The following BEGAIN variants were observed in gnomAD, a reference collection of about 807,000 sequenced individuals.
BEGAIN encodes the protein brain-enriched guanylate kinase-associated protein.
Under a neutral mutation model 35.8 loss-of-function variants are expected in BEGAIN, and 19 were observed. The ratio of observed to expected loss-of-function variants is 0.53; its 90% confidence interval spans 0.37 to 0.78. The LOEUF (loss-of-function observed/expected upper bound fraction) is 0.78, where lower values mean the gene tolerates loss of function less well. BEGAIN is among the 30% of genes least tolerant of loss of function. The pLI, the probability that BEGAIN is intolerant of heterozygous loss-of-function variation, is 0.00. For missense variants in BEGAIN, 795 were observed against 853.6 expected (o/e 0.93, Z 0.85); for synonymous variants, 462 against 388.6 (o/e 1.19, Z -2.22).
intron 2 of BEGAIN, among the ~76,000 whole-genome samples, chr14:100,560,854 AGACACGAGCTGCCCTC>A (rs1355689024): frequency 2.6e-5 from 4 of 152,194 alleles, no homozygotes; most frequent in African/African-American, 9.7e-5. Context: ...TGCTCAGGAC[AGACACGAGCTGCCCTC>A]GACACGAGCC....
At chr14:100,551,601 G>T (rs2033204636) in intron 2 of BEGAIN, among the ~76,000 whole-genome samples, 1 of 152,194 alleles carries the variant, frequency 6.6e-6, no homozygotes, top group South Asian at 2.1e-4. Flanking sequence ...TGAAATGCTG[G>T]ATAATTTAAC....
chr14:100,538,319 C>G lies in BEGAIN; in HGVS notation c.1489G>C (p.Glu497Gln). 1 of 1,522,880 alleles carries G rather than the reference C, an allele frequency of 6.6e-7. No individual in the cohort carries two copies. Among genetic ancestry groups the G allele is most frequent in the African/African-American group, 1.4e-5 (1 of 71,490 alleles). 94.3% of individuals were successfully genotyped at this position (1,522,880 alleles called of 1,614,324 possible). A position where few individuals can be genotyped will look rare whatever the true frequency, so the allele number is the denominator to read the frequency against. ...TGGCCCTGGGAGAGGTCGTCCCCCT[C>G]GGAGAAGCTGTCGGCCTTGTAGCTG... ...YASYKADSFS[E>Q]GDDLSQGHLA... Residue 497 changes from glutamate (E) to glutamine (Q), a missense_variant, in exon 7 of 7, where the codon GAG becomes CAG. Physicochemically the swap from Glu to Gln is conservative, Grantham distance 29 (BLOSUM62 2). This residue lies in a region of BEGAIN where 664 missense variants were observed against 647.7 expected (regional missense o/e 1.03). Transcript: ENST00000554140.
rs775839427 is a variant in BEGAIN, at chr14:100,572,960, G to A, written c.43-5021C>T. Among the ~76,000 whole-genome samples, 5 of 152,124 alleles carry A rather than the reference G, an allele frequency of 3.3e-5. No individual in the cohort carries two copies. In the South Asian group the frequency reaches 1.0e-3, roughly 32 times the overall value. On this transcript the variant is annotated intron_variant, in intron 1 of 6. Transcript: ENST00000554140. ...CTGGATGAAATTCTCTGCTCTCACT[G>A]TGCTGATATTCTCATGCAGGAAGAC...
intron 2 of BEGAIN, among the ~76,000 whole-genome samples, chr14:100,556,649 G>A (rs531211287): frequency 6.6e-6 from 1 of 152,162 alleles, no homozygotes; most frequent in African/African-American, 2.4e-5. Context: ...AGGGCACAAG[G>A]GCTGTCTCCT....
chr14:100,546,383 TCGCCCCGCCCCGGCCCTCGCCC>T (rs2032414180), intron 3 of BEGAIN, 96 bp downstream of exon 3: 3 of 14,954 alleles, frequency 2.0e-4, no homozygotes, highest in African/African-American at 1.0e-3. Context: ...GCCCCGGCCC[TCGCCCCGCCCCGGCCCTCGCCC>T]CGCCCCGGCC....
chr14:100,550,660 T>C (rs1483989481), intron 2 of BEGAIN, among the ~76,000 whole-genome samples: 1 of 97,234 alleles, frequency 1.0e-5, no homozygotes, highest in Admixed American at 1.6e-4. Context: ...CCAGGAAAAC[T>C]TGTCATCTGC....
Position 100,568,209 on chromosome 14 carries a change from G to C in BEGAIN, c.43-270C>G, listed in dbSNP as rs1199713640. On this transcript the variant is annotated intron_variant, in intron 1 of 6. Transcript: ENST00000554140. The surrounding 1 kb of genome is among the most constrained non-coding windows in gnomAD (Gnocchi z 7.5). ...CGCCCCCCGGGGCGAAGAAGGGGCC[G>C]GCCCGGGATGGCCCGGCCAGGGGCG... The C allele has an allele frequency of 3.7e-5, 23 of 618,610 alleles. No homozygotes were observed. The highest frequency in any genetic ancestry group is 4.7e-5 in the Non-Finnish European group (23 of 484,620). The allele number at this position is 618,610 out of a possible 1,614,324, so 38.3% of individuals were successfully genotyped here. A position where few individuals can be genotyped will look rare whatever the true frequency, so the allele number is the denominator to read the frequency against.
In BEGAIN at chr14:100,544,908, C is replaced by A; in HGVS notation, c.300+92G>T. The A allele has an allele frequency of 4.7e-6, 6 of 1,287,348 alleles. 2 individuals carry two copies. In the South Asian group the frequency reaches 4.7e-5, roughly 10 times the overall value. 79.7% of individuals were successfully genotyped at this position (1,287,348 alleles called of 1,614,324 possible). ...GGTGGGACCAGCAAGACCTGTGTCC[C>A]AGCTCCTGAGTGGCCCAGGGGTGTC... On this transcript the variant is annotated intron_variant, in intron 4 of 6. Transcript: ENST00000554140.
chr14:100,556,715 A>T (rs2033760577), intron 2 of BEGAIN, among the ~76,000 whole-genome samples: 1 of 152,096 alleles, frequency 6.6e-6, no homozygotes, highest in Non-Finnish European at 1.5e-5. Flanking sequence ...CTGCTGCAGG[A>T]CTGGAGGTGC....
chr14:100,573,545 G>T lies in BEGAIN; in HGVS notation c.43-5606C>A, dbSNP rs370657019. Reference sequence around the variant, plus strand: ...AGAGGGGCAAGTGCAGGACCCCAGGGCATCCAGCCAGGCCCACGGGGCCTG... The same window carrying T: ...AGAGGGGCAAGTGCAGGACCCCAGGTCATCCAGCCAGGCCCACGGGGCCTG... On this transcript the variant is annotated intron_variant, in intron 1 of 6. Coordinates refer to ENST00000554140, the MANE Select transcript of BEGAIN (RefSeq NM_001385089.1). This position sits in a 1 kb window ranked among gnomAD's most constrained non-coding sequence, Gnocchi z 4.2. Among the ~76,000 whole-genome samples, 15 of 152,182 alleles carry T rather than the reference G, an allele frequency of 9.9e-5. No individual in the cohort carries two copies. The highest frequency in any genetic ancestry group is 7.7e-4 in the East Asian group (4 of 5,198).
chr14:100,538,072 G>A lies in BEGAIN; in HGVS notation c.1736C>T (p.Ala579Val), dbSNP rs2030845972. The change falls in exon 7 of 7, where the codon GCC (alanine) becomes GTC (valine). Residue 579 changes from alanine (A) to valine (V), a missense_variant. By Grantham distance (64) the Ala-to-Val change is moderately conservative. Around this residue, in one of 3 missense-constraint regions of BEGAIN, gnomAD observed 664 missense variants for 647.7 expected, o/e 1.03. Coordinates refer to ENST00000554140, the MANE Select transcript of BEGAIN (RefSeq NM_001385089.1). ...MEASPEMHPAARLSPQQAFPR... is the reference protein window; with the variant it reads ...MEASPEMHPAVRLSPQQAFPR... ...AAAGGCCTGCTGGGGGCTGAGGCGG[G>A]CGGCAGGATGCATTTCCGGGGAGGC... 1 of 1,594,270 alleles carries A rather than the reference G, an allele frequency of 6.3e-7. No homozygotes were observed. The highest frequency in any genetic ancestry group is 1.3e-5 in the African/African-American group (1 of 74,256).
At chr14:100,551,794 G>A (rs1309165301) in intron 2 of BEGAIN, among the ~76,000 whole-genome samples, 3 of 152,096 alleles carry the variant, frequency 2.0e-5, no homozygotes, top group South Asian at 2.1e-4. Flanking sequence ...GCCACGAGTC[G>A]CACATTGATC....
In BEGAIN at chr14:100,543,331, A is replaced by G. The variant is rs1007066830; in HGVS notation, c.408+527T>C. Among the ~76,000 whole-genome samples the G allele has an allele frequency of 4.1e-5, 6 of 145,192 alleles. No individual in the cohort carries two copies. In the Admixed American group the frequency reaches 4.2e-4, roughly 10 times the overall value. ...GTTTTTTTTTTTGCCTGTGTTGTTC[A>G]CACCATCATCTTGGAGCCTAGTAGG... On this transcript the variant is annotated intron_variant, in intron 5 of 6. Transcript: ENST00000554140.
chr14:100,546,323 C>A (rs1477547402), intron 3 of BEGAIN, 178 bp downstream of exon 3: 3 of 496,128 alleles, frequency 6.0e-6, no homozygotes, highest in African/African-American at 5.6e-5. Flanking sequence ...GCTTTCCGGG[C>A]CTCGGGCCCT....
intron 2 of BEGAIN, among the ~76,000 whole-genome samples, chr14:100,552,247 C>T (rs931725519): frequency 3.9e-5 from 6 of 152,096 alleles, no homozygotes; most frequent in African/African-American, 1.4e-4. Context: ...CCTGCAGGTG[C>T]AGTGAGTGGG....
At chr14:100,565,885 C>T (rs1013953102) in intron 2 of BEGAIN, among the ~76,000 whole-genome samples, 1 of 152,224 alleles carries the variant, frequency 6.6e-6, no homozygotes, top group African/African-American at 2.4e-5. Flanking sequence ...GTGACTGGGT[C>T]TGTGGGACCC....
rs916727087 is a variant in BEGAIN, at chr14:100,568,160, C to A, written c.43-221G>T. The A allele has an allele frequency of 1.1e-6, 1 of 921,634 alleles. No individual in the cohort carries two copies. Among genetic ancestry groups the A allele is most frequent in the African/African-American group, 1.8e-5 (1 of 55,230 alleles). 57.1% of individuals were successfully genotyped at this position (921,634 alleles called of 1,614,324 possible). On this transcript the variant is annotated intron_variant, in intron 1 of 6. Coordinates refer to ENST00000554140, the MANE Select transcript of BEGAIN (RefSeq NM_001385089.1). This position sits in a 1 kb window ranked among gnomAD's most constrained non-coding sequence, Gnocchi z 7.5. ...GAGTAACAGGTGAGCCCGCCCGGGC[C>A]GCCGCGCTCCCCGCACCGAGTTACG...
intron 2 of BEGAIN, chr14:100,549,973 G>C (rs2033012470): frequency 6.5e-6 from 1 of 153,630 alleles, no homozygotes; most frequent in African/African-American, 2.4e-5. Flanking sequence ...TTCCAGGCCT[G>C]GGGGCCTGGG....
chr14:100,567,611 C>A lies in BEGAIN; in HGVS notation c.71+300G>T, dbSNP rs1351724383. On this transcript the variant is annotated intron_variant, in intron 2 of 6. Transcript: ENST00000554140. The surrounding 1 kb of genome is among the most constrained non-coding windows in gnomAD (Gnocchi z 5.1). ...AGTCCAGGGCAGGGAGCCAGAGGGG[C>A]GCTGAGGACCGCACAGGACCAGGCG... is the stretch of plus-strand genomic sequence containing the variant. Among the ~76,000 whole-genome samples the A allele has an allele frequency of 2.0e-5, 3 of 151,814 alleles. No homozygotes were observed. The highest frequency in any genetic ancestry group is 4.4e-5 in the Non-Finnish European group (3 of 67,854).
Sources: allele counts gnomAD v4.1 joint callset (sites outside exome capture counted in the v4.1 genomes callset), GRCh38; gene constraint gnomAD v4.1.1; regional missense constraint gnomAD v4.1.1; non-coding constraint Gnocchi (gnomAD v3.1); transcripts MANE v1.5; gene names NCBI Gene and HGNC (gene_info 2026-07-23, HGNC 2026-07-21).